UBA52: variants seen among roughly 807,000 people sequenced by gnomAD.
The protein encoded by UBA52 is ubiquitin-ribosomal protein eL40 fusion protein.
In UBA52, 1 loss-of-function variant was observed where a neutral mutation model predicts 15.3. That is an observed-to-expected ratio of 0.07 (90% CI 0.02 to 0.31). The LOEUF is 0.31. Ranked by LOEUF, UBA52 falls within the 10% of genes least tolerant of loss-of-function variation. The pLI, the probability that UBA52 is intolerant of heterozygous loss-of-function variation, is 1.00. For synonymous variants in UBA52, 50 were observed against 58.3 expected, an observed-to-expected ratio of 0.86 and a Z score of 0.65; for missense variants, 87 against 168.0, an observed-to-expected ratio of 0.52 and a Z score of 2.66.
At chr19:18,564,802 T>A in the UBA52 span, 20 of 1,580,076 alleles carry the variant, frequency 1.3e-5, no homozygotes, top group East Asian at 6.7e-5. Context: ...ATGAACAGTC[T>A]TCTGGGCCAG....
rs1975708885 is a variant in UBA52, at chr19:18,574,944, T to A, written c.265T>A (p.Tyr89Asn). 6.2e-7 allele frequency: 1 copy of A among 1,614,056 alleles called. No individual in the cohort carries two copies. Among genetic ancestry groups the A allele is most frequent in the Non-Finnish European group, 8.5e-7 (1 of 1,180,038 alleles). Residue 89 changes from tyrosine to asparagine, a missense_variant, in exon 4 of 5, where the codon TAC becomes AAC. Coordinates refer to ENST00000442744, the MANE Select transcript of UBA52 (RefSeq NM_001033930.3). ...EPSLRQLAQK[Y>N]NCDKMICRKC... is the part of the protein sequence containing the mutation. ...TTCTCTCCGCCAGCTTGCCCAGAAA[T>A]ACAACTGCGACAAGATGATCTGCCG...
chr19:18,572,706 C>T, intron 1 of UBA52: 3 of 764,970 alleles, frequency 3.9e-6, no homozygotes, highest in Non-Finnish European at 4.8e-6. Flanking sequence ...AAGTGATGTT[C>T]GTGGTTTGGG....
intron 1 of UBA52, 135 bp from the exon 2 acceptor site, chr19:18,573,158 G>C (rs1161416359): frequency 1.8e-6 from 2 of 1,109,666 alleles, no homozygotes; most frequent in Middle Eastern, 3.0e-4. Context: ...GGAGTGAAAG[G>C]AAGACAGGTA....
At chr19:18,564,963 C>T in the UBA52 span, 5 of 1,612,352 alleles carry the variant, frequency 3.1e-6, no homozygotes, top group Non-Finnish European at 4.2e-6. Context: ...CTTCCTGCAC[C>T]ACACGAGGAC....
At chr19:18,570,394 G>T (rs747662643), upstream of UBA52, among the ~76,000 whole-genome samples, 23 of 151,758 alleles carry the variant, frequency 1.5e-4, no homozygotes, top group Non-Finnish European at 2.6e-4. Flanking sequence ...TAGAGACAGG[G>T]TCTCACTATG....
the UBA52 span, among the ~76,000 whole-genome samples, chr19:18,564,137 G>A: frequency 6.6e-6 from 1 of 150,830 alleles, no homozygotes; most frequent in South Asian, 2.1e-4. Context: ...TGCCTGCCTT[G>A]ACCTCCCAAA....
chr19:18,568,783 G>A (rs1465540329), upstream of UBA52: 3 of 616,704 alleles, frequency 4.9e-6, no homozygotes, highest in African/African-American at 3.7e-5. Context: ...CCCGAGGGGT[G>A]TGGAATTCCT....
chr19:18,573,834 A>G (rs1395860641), intron 3 of UBA52, 86 bp downstream of exon 3: 2 of 1,251,910 alleles, frequency 1.6e-6, no homozygotes, highest in Non-Finnish European at 2.3e-6. Flanking sequence ...GTTGGGGAGC[A>G]GTTCAAATGA....
intron 1 of UBA52, 27 bp downstream of exon 1, chr19:18,571,936 G>C (rs942235089): frequency 1.3e-5 from 2 of 152,880 alleles, no homozygotes; most frequent in African/African-American, 4.8e-5. Context: ...GAGCGGGTTG[G>C]GGGCTGCGGG....
chr19:18,568,895 G>T (rs1180042685), upstream of UBA52: 2 of 500,472 alleles, frequency 4.0e-6, no homozygotes, highest in South Asian at 4.9e-5. Context: ...GGAGTCGTGG[G>T]GCTGGGCACA....
intron 1 of UBA52, 107 bp from the exon 2 acceptor site, chr19:18,573,186 G>A (rs1600617649): frequency 8.4e-7 from 1 of 1,193,294 alleles, no homozygotes. Flanking sequence ...AGGACCAGTT[G>A]GACTTGGTGC....
chr19:18,575,914 T>C lies in UBA52; in HGVS notation c.*764T>C, dbSNP rs1339285143. The C allele has an allele frequency of 6.6e-6, 1 of 152,184 alleles. No individual in the cohort carries two copies. Among genetic ancestry groups the C allele is most frequent in the Non-Finnish European group, 1.5e-5 (1 of 68,136 alleles). The allele number at this position is 152,184 out of a possible 1,614,324, so 9.4% of individuals were successfully genotyped here. On this transcript the variant is annotated 3_prime_UTR_variant, in exon 5 of 5. Coordinates refer to ENST00000442744, the MANE Select transcript of UBA52 (RefSeq NM_001033930.3). ...GGTGCCCGCCACAACTCCTGGCTAA[T>C]TTTTTGTATTTTTAGTAGAGACGGG...
chr19:18,574,597 C>T (rs1343741490), intron 3 of UBA52, among the ~76,000 whole-genome samples: 2 of 152,184 alleles, frequency 1.3e-5, no homozygotes, highest in Non-Finnish European at 2.9e-5. Flanking sequence ...TAGAGGTCGG[C>T]TTCCATGTTA....
intron 1 of UBA52, chr19:18,572,126 G>A (rs575354241): frequency 6.6e-6 from 1 of 152,450 alleles, no homozygotes; most frequent in African/African-American, 2.4e-5. Context: ...GTGACCCCAC[G>A]AGGCCTCGGG....
upstream of UBA52, among the ~76,000 whole-genome samples, chr19:18,570,736 G>GCAC (rs1297832001): frequency 4.6e-4 from 69 of 148,614 alleles, no homozygotes; most frequent in African/African-American, 1.7e-3. Context: ...TGCCCAGGCT[G>GCAC]TAGTGCAATG....
the UBA52 span, chr19:18,565,284 C>T: frequency 1.1e-6 from 1 of 920,068 alleles, no homozygotes; most frequent in Non-Finnish European, 1.5e-6. Context: ...GGCTGGAGTG[C>T]AGTGGCGCGA....
chr19:18,568,061 A>G (rs1278530944), upstream of UBA52, among the ~76,000 whole-genome samples: 1 of 152,134 alleles, frequency 6.6e-6, no homozygotes, highest in African/African-American at 2.4e-5. Flanking sequence ...TGAGGTCGGG[A>G]GTTCGATACC....
rs12608925 is a variant in UBA52, at chr19:18,576,723, G to T, written c.*1573G>T. ...ATCGTGCAGGCTGGAGTGCGGTGGC[G>T]CAGTCTCGGCTCACTGCAGCTTCTG... On this transcript the variant is annotated 3_prime_UTR_variant, in exon 5 of 5. Coordinates refer to ENST00000442744, the MANE Select transcript of UBA52 (RefSeq NM_001033930.3). The T allele has an allele frequency of 0.45, 67,808 of 149,450 alleles. 17,972 individuals carry two copies. Among genetic ancestry groups the T allele is most frequent in the East Asian group, 0.66 (3,316 of 5,058 alleles). The allele number at this position is 149,450 out of a possible 1,614,324, so 9.3% of individuals were successfully genotyped here.
chr19:18,573,277 T>A lies in UBA52; in HGVS notation c.-8-16T>A, dbSNP rs1402453660. 3.1e-6 allele frequency: 5 copies of A among 1,612,600 alleles called. No homozygotes were observed. The highest frequency in any genetic ancestry group is 4.2e-6 in the Non-Finnish European group (5 of 1,178,740). ...GCATTGCTCACCAGTCTATCCTGCC[T>A]CCCTTCCTCCTGCAGACGCAAACAT... On this transcript the variant is annotated splice_polypyrimidine_tract_variant and intron_variant, in intron 1 of 4. Coordinates refer to ENST00000442744, the MANE Select transcript of UBA52 (RefSeq NM_001033930.3).
Sources: gnomAD v4.1 joint callset for allele counts (sites outside exome capture counted in the v4.1 genomes callset) on GRCh38, gnomAD v4.1.1 for gene constraint, MANE v1.5 for transcripts, NCBI Gene and HGNC (gene_info 2026-07-23, HGNC 2026-07-21) for gene names.